The following SGCD variants were observed in gnomAD, a reference collection of about 807,000 sequenced individuals.
The protein encoded by SGCD is delta-sarcoglycan.
In SGCD, 18 loss-of-function variants were observed where a neutral mutation model predicts 36.6. The ratio of observed to expected loss-of-function variants is 0.49; its 90% CI spans 0.34 to 0.73. The LOEUF is 0.73. Among genes scored for constraint, SGCD ranks in the 30% least tolerant of loss-of-function variants. The probability of loss-of-function intolerance (pLI) is 0.01; values close to 1 mark genes in which losing one functional copy is unlikely to be tolerated. For missense variants in SGCD, 387 were observed against 346.7 expected, an observed-to-expected ratio of 1.12 and a Z score of -0.92; for synonymous variants, 133 against 130.6, an observed-to-expected ratio of 1.02 and a Z score of -0.12.
chr5:156,393,986 AT>A (rs1366639737), intron 3 of SGCD: 5 of 359,388 alleles, frequency 1.4e-5, no homozygotes, highest in African/African-American at 1.1e-4. Context: ...AAAGACAAAG[AT>A]GCATCTAACT....
chr5:155,930,435 G>A (rs1450936232), intron 1 of SGCD, among the ~76,000 whole-genome samples: 1 of 152,162 alleles, frequency 6.6e-6, no homozygotes, highest in African/African-American at 2.4e-5. Context: ...GTGTCTGGAG[G>A]ACAGCAAGAG....
intron 3 of SGCD, among the ~76,000 whole-genome samples, chr5:156,285,212 T>G (rs2127674936): frequency 6.6e-6 from 1 of 152,158 alleles, no homozygotes; most frequent in Non-Finnish European, 1.5e-5. Context: ...TGCTCATGGG[T>G]AGGAAGAATC....
At chr5:156,286,611 G>A (rs1766604338) in intron 3 of SGCD, among the ~76,000 whole-genome samples, 1 of 152,092 alleles carries the variant, frequency 6.6e-6, no homozygotes, top group Non-Finnish European at 1.5e-5. Context: ...ACTCATAGGT[G>A]GGAATTGAAC....
At chr5:155,779,918 C>T in the SGCD span, among the ~76,000 whole-genome samples, 2 of 152,078 alleles carry the variant, frequency 1.3e-5, no homozygotes, top group African/African-American at 4.8e-5. Flanking sequence ...AGTACTTTCT[C>T]ATATCTACTG....
intron 7 of SGCD, among the ~76,000 whole-genome samples, chr5:156,738,985 A>G (rs1756522719): frequency 1.3e-5 from 2 of 152,218 alleles, no homozygotes; most frequent in Admixed American, 1.3e-4. Context: ...ATTCCCTTCT[A>G]AGAAATTTGG....
chr5:156,534,265 G>A (rs903001383), intron 4 of SGCD, among the ~76,000 whole-genome samples: 1 of 150,960 alleles, frequency 6.6e-6, no homozygotes, highest in Non-Finnish European at 1.5e-5. Flanking sequence ...CCCACATTAT[G>A]CAGTCAGCAA....
chr5:156,208,946 A>G (rs892259448), intron 3 of SGCD, among the ~76,000 whole-genome samples: 1 of 152,202 alleles, frequency 6.6e-6, no homozygotes, highest in African/African-American at 2.4e-5. Context: ...TAGGAGGGAA[A>G]GTCTTACAGG....
chr5:156,274,848 G>A (rs959478934), intron 3 of SGCD, among the ~76,000 whole-genome samples: 1 of 152,042 alleles, frequency 6.6e-6, no homozygotes, highest in African/African-American at 2.4e-5. Context: ...CTCTTCTCCT[G>A]TGACCCTGGG....
At position 156,079,254 on chromosome 5, in the gene SGCD, C is replaced by T. The variant is rs192823128; in HGVS notation, c.-281-38624C>T. Among the ~76,000 whole-genome samples, 229 of 152,190 alleles carry T rather than the reference C, an allele frequency of 1.5e-3. 1 individual carries two copies. Among genetic ancestry groups the T allele is most frequent in the Middle Eastern group, 3.4e-3 (1 of 294 alleles). On this transcript the variant is annotated intron_variant, in intron 1 of 9. Transcript: ENST00000517913. ...GCACTGAGCCACGAGGGATCTGCCCCGCATGACCCAAATCCCTCCCACCAG... is the reference window on the plus strand; with the variant it reads ...GCACTGAGCCACGAGGGATCTGCCCTGCATGACCCAAATCCCTCCCACCAG...
At chr5:156,496,408 G>C (rs1240655812) in intron 3 of SGCD, among the ~76,000 whole-genome samples, 1 of 152,060 alleles carries the variant, frequency 6.6e-6, no homozygotes, top group Non-Finnish European at 1.5e-5. Flanking sequence ...TTTCTTGGAT[G>C]GCCAGCAAGC....
At chr5:155,922,261 A>T (rs1257639100) in intron 1 of SGCD, among the ~76,000 whole-genome samples, 1 of 152,156 alleles carries the variant, frequency 6.6e-6, no homozygotes, top group Non-Finnish European at 1.5e-5. Context: ...GTTTTGGCAG[A>T]CATGAATTGT....
At chr5:155,894,260 A>G (rs1218045086) in intron 1 of SGCD, among the ~76,000 whole-genome samples, 1 of 152,220 alleles carries the variant, frequency 6.6e-6, no homozygotes, top group East Asian at 1.9e-4. Flanking sequence ...CAAGTAATGC[A>G]TCATGCTATA....
chr5:156,690,841 G>GA (rs1754078381), intron 7 of SGCD, among the ~76,000 whole-genome samples: 1 of 151,954 alleles, frequency 6.6e-6, no homozygotes, highest in Admixed American at 6.6e-5. Flanking sequence ...AGTTGTATGG[G>GA]AAAAAATAGG....
At chr5:156,151,343 T>C (rs1221002953) in intron 3 of SGCD, among the ~76,000 whole-genome samples, 1 of 151,714 alleles carries the variant, frequency 6.6e-6, no homozygotes, top group Non-Finnish European at 1.5e-5. Flanking sequence ...TATTATCTCT[T>C]AGTTCTTATT....
At chr5:155,808,261 T>C in the SGCD span, among the ~76,000 whole-genome samples, 13 of 152,318 alleles carry the variant, frequency 8.5e-5, no homozygotes, top group Admixed American at 3.3e-4. Flanking sequence ...AACCTTCATT[T>C]GTTTCCAAAT....
chr5:155,880,130 T>C (rs1209437224), intron 1 of SGCD, among the ~76,000 whole-genome samples: 1 of 152,126 alleles, frequency 6.6e-6, no homozygotes, highest in Non-Finnish European at 1.5e-5. Context: ...GTCCTGAAGC[T>C]GAGTACATGT....
intron 3 of SGCD, among the ~76,000 whole-genome samples, chr5:156,476,628 G>A (rs1388118377): frequency 6.6e-6 from 1 of 152,082 alleles, no homozygotes; most frequent in African/African-American, 2.4e-5. Flanking sequence ...AAGAAAATAG[G>A]GCATAGTATA....
intron 7 of SGCD, among the ~76,000 whole-genome samples, chr5:156,650,735 CATT>C (rs2113597430): frequency 6.6e-6 from 1 of 152,246 alleles, no homozygotes; most frequent in Admixed American, 6.5e-5. Flanking sequence ...TCCAATCCAT[CATT>C]GACAGATACC....
chr5:156,248,468 G>A (rs1057304115), intron 3 of SGCD, among the ~76,000 whole-genome samples: 2 of 152,100 alleles, frequency 1.3e-5, no homozygotes, highest in African/African-American at 4.8e-5. Context: ...GCAGTGAGCT[G>A]AGATCATGCC....
Sources: allele counts gnomAD v4.1 joint callset (sites outside exome capture counted in the v4.1 genomes callset), GRCh38; gene constraint gnomAD v4.1.1; transcripts MANE v1.5; gene names NCBI Gene and HGNC (gene_info 2026-07-23, HGNC 2026-07-21).